The following DGKH variants were observed in gnomAD, a reference collection of about 807,000 sequenced individuals.
DGKH encodes DAG kinase eta.
A neutral mutation model predicts 159.3 loss-of-function variants in DGKH; 90 were observed. That is an observed-to-expected ratio of 0.57 (90% confidence interval 0.48 to 0.67). The LOEUF (loss-of-function observed/expected upper bound fraction) is 0.67. Among genes scored for constraint, DGKH ranks in the 30% least tolerant of loss-of-function variants. The pLI is 0.00. For missense variants in DGKH, 1,181 were observed against 1,506.1 expected, an observed-to-expected ratio of 0.78 and a Z score of 3.57; for synonymous variants, 536 against 553.8, an observed-to-expected ratio of 0.97 and a Z score of 0.45.
At position 42,238,751 on chromosome 13, in the gene DGKH, A is replaced by C. The variant is rs532974423; in HGVS notation, c.*9563A>C. 21 of 152,280 alleles carry C rather than the reference A, an allele frequency of 1.4e-4. No individual in the cohort carries two copies. In the East Asian group the frequency reaches 3.7e-3, roughly 27 times the overall value. 9.4% of individuals were successfully genotyped at this position (152,280 alleles called of 1,614,324 possible). A position where few individuals can be genotyped will look rare whatever the true frequency, so the allele number is the denominator to read the frequency against. Reference sequence around the variant, plus strand: ...AATTAATGGAACTCTGGGTATGATTAAGGGAATTAAATTAGAAAGTAGAAT... The same window carrying C: ...AATTAATGGAACTCTGGGTATGATTCAGGGAATTAAATTAGAAAGTAGAAT... On this transcript the variant is annotated 3_prime_UTR_variant, in exon 30 of 30. Coordinates refer to ENST00000337343, the MANE Select transcript of DGKH (RefSeq NM_178009.5).
chr13:42,156,794 G>A (rs1049724379), intron 5 of DGKH, among the ~76,000 whole-genome samples: 5 of 152,084 alleles, frequency 3.3e-5, no homozygotes, highest in Non-Finnish European at 5.9e-5. Context: ...TATAAAATCT[G>A]TGATATGTCA....
chr13:42,117,745 AACAT>A (rs1393962039), intron 1 of DGKH, among the ~76,000 whole-genome samples: 1 of 152,212 alleles, frequency 6.6e-6, no homozygotes, highest in Non-Finnish European at 1.5e-5. Context: ...CTATAGAAAA[AACAT>A]AAATTATTTG....
At chr13:42,122,242 A>G (rs554402869) in intron 1 of DGKH, among the ~76,000 whole-genome samples, 1 of 152,342 alleles carries the variant, frequency 6.6e-6, no homozygotes, top group African/African-American at 2.4e-5. Flanking sequence ...ATTATGCCAC[A>G]TAAAGAGTGG....
intron 3 of DGKH, among the ~76,000 whole-genome samples, chr13:42,148,034 C>T (rs1168559793): frequency 1.3e-5 from 2 of 152,144 alleles, no homozygotes; most frequent in Non-Finnish European, 2.9e-5. Context: ...AAAAAGTGAG[C>T]AGCACGTGCA....
At chr13:42,151,327 T>A (rs956227451) in intron 3 of DGKH, among the ~76,000 whole-genome samples, 5 of 151,854 alleles carry the variant, frequency 3.3e-5, no homozygotes, top group African/African-American at 1.2e-4. Flanking sequence ...TATGTCCATG[T>A]GTACACATTA....
rs191294508 is a variant in DGKH at position 42,051,861 on chromosome 13, C to T, written c.192+2896C>T. Among the ~76,000 whole-genome samples the T allele has an allele frequency of 2.4e-3, 369 of 152,060 alleles. 4 individuals carry two copies. Among genetic ancestry groups the T allele is most frequent in the African/African-American group, 8.7e-3 (359 of 41,468 alleles). ...TTTATTTTTAGTAAAGATGGGGTTT[C>T]TCCATGTTGGTCAGGCTGGTCTCGA... On this transcript the variant is annotated intron_variant, in intron 1 of 29. Coordinates refer to ENST00000337343, the MANE Select transcript of DGKH (RefSeq NM_178009.5).
At chr13:42,132,869 TA>T (rs891602712) in intron 3 of DGKH, among the ~76,000 whole-genome samples, 4 of 151,942 alleles carry the variant, frequency 2.6e-5, no homozygotes, top group East Asian at 1.9e-4. Flanking sequence ...AGACCCTGTC[TA>T]AAAAAAATTT....
In DGKH at chr13:42,125,261, A is replaced by T. The variant is rs144477951; in HGVS notation, c.193-2202A>T. On this transcript the variant is annotated intron_variant, in intron 1 of 29. Transcript: ENST00000337343. ...GGCTGCAAACACTTATTTACTTCTT[A>T]CAAGAAGCTCTTATAATTTGATGCC... Among the ~76,000 whole-genome samples the T allele has an allele frequency of 5.3e-5, 8 of 152,268 alleles. No individual in the cohort carries two copies. In the East Asian group the frequency reaches 1.5e-3, roughly 29 times the overall value.
intron 29 of DGKH, among the ~76,000 whole-genome samples, chr13:42,223,035 T>G (rs911173922): frequency 2.0e-5 from 3 of 152,214 alleles, no homozygotes; most frequent in African/African-American, 7.2e-5. Context: ...GCAAATTACA[T>G]TCTCTCTCTT....
chr13:42,189,324 A>G lies in DGKH; in HGVS notation c.1912+15A>G. ...AGCCGGAAAAGGTACACATTAACAA[A>G]TTTAGCTTTGGAAGAAGTTGGCAGC... On this transcript the variant is annotated intron_variant, in intron 15 of 29. Transcript: ENST00000337343. 2 of 1,612,086 alleles carry G rather than the reference A, an allele frequency of 1.2e-6. No homozygotes were observed. The highest frequency in any genetic ancestry group is 1.7e-6 in the Non-Finnish European group (2 of 1,178,372).
chr13:42,203,768 G>A (rs1180179), intron 20 of DGKH, among the ~76,000 whole-genome samples: 58,011 of 151,886 alleles, frequency 0.38, 11,860 homozygotes, highest in East Asian at 0.58. Context: ...AGGAGTTCAA[G>A]ACTGCAGTAA....
At chr13:42,172,228 C>T (rs1300661272) in intron 11 of DGKH, among the ~76,000 whole-genome samples, 1 of 152,120 alleles carries the variant, frequency 6.6e-6, no homozygotes, top group Non-Finnish European at 1.5e-5. Flanking sequence ...ACTCCTGCCT[C>T]AGCCTCCCAA....
chr13:42,133,755 G>C (rs1955340132), intron 3 of DGKH, among the ~76,000 whole-genome samples: 2 of 152,094 alleles, frequency 1.3e-5, no homozygotes, highest in African/African-American at 4.8e-5. Context: ...CAAATGTAGG[G>C]ACTAAAAAGT....
At chr13:42,147,726 T>C (rs1349359316) in intron 3 of DGKH, among the ~76,000 whole-genome samples, 2 of 152,178 alleles carry the variant, frequency 1.3e-5, no homozygotes, top group South Asian at 2.1e-4. Context: ...ATTTCTGAAG[T>C]CACTGTGATC....
Position 42,236,533 on chromosome 13 carries a change from T to G in DGKH, c.*7345T>G, listed in dbSNP as rs1594260323. 6.6e-6 allele frequency: 1 copy of G among 152,356 alleles called. No individual in the cohort carries two copies. Among genetic ancestry groups the G allele is most frequent in the Non-Finnish European group, 1.5e-5 (1 of 68,024 alleles). The allele number at this position is 152,356 out of a possible 1,614,324, so 9.4% of individuals were successfully genotyped here. On this transcript the variant is annotated 3_prime_UTR_variant, in exon 30 of 30. Transcript: ENST00000337343. ...TATTTTGCCAATATGTATTTTATCT[T>G]CATGTCACAACTTATTTTCTGTAGC...
At chr13:42,165,535 T>C in intron 8 of DGKH, 102 bp downstream of exon 8, 1 of 576,698 alleles carries the variant, frequency 1.7e-6, no homozygotes, top group Non-Finnish European at 2.8e-6. Flanking sequence ...TTGACTATTG[T>C]AGTCAGTTTT....
Position 42,129,603 on chromosome 13 carries a change from A to G in DGKH, c.355A>G (p.Ser119Gly). ...DLSDASVAEA[S>G]TKNANNSFTI... ...CTCAGATGCTAGTGTAGCTGAAGCA[A>G]GCACGAAAAATGCTAACAACAGCTT... The change falls in exon 3 of 30, where the codon AGC becomes GGC. Residue 119 changes from serine (S) to glycine (G), a missense_variant. By Grantham distance (56) the Ser-to-Gly change is moderately conservative. Around this residue, in one of 5 missense-constraint regions of DGKH, gnomAD observed 369 missense variants for 519.4 expected, o/e 0.71. Coordinates refer to ENST00000337343, the MANE Select transcript of DGKH (RefSeq NM_178009.5). 6.2e-7 allele frequency: 1 copy of G among 1,612,974 alleles called. No homozygotes were observed. Among genetic ancestry groups the G allele is most frequent in the Non-Finnish European group, 8.5e-7 (1 of 1,179,484 alleles).
intron 12 of DGKH, among the ~76,000 whole-genome samples, chr13:42,175,027 T>C (rs762612358): frequency 6.6e-6 from 1 of 152,178 alleles, no homozygotes; most frequent in Non-Finnish European, 1.5e-5. Flanking sequence ...GGTGTAGATT[T>C]AAAACAGAAC....
chr13:42,190,258 C>T, intron 15 of DGKH, 145 bp from the exon 16 acceptor site: 2 of 892,148 alleles, frequency 2.2e-6, no homozygotes, highest in Non-Finnish European at 3.2e-6. Flanking sequence ...GGACATCAAC[C>T]CCAAGTTCAT....
Sources: gnomAD v4.1 joint callset for allele counts (sites outside exome capture counted in the v4.1 genomes callset) on GRCh38, gnomAD v4.1.1 for gene constraint, gnomAD v4.1.1 regional missense constraint, MANE v1.5 for transcripts, NCBI Gene and HGNC (gene_info 2026-07-23, HGNC 2026-07-21) for gene names.